UBASH3A: variants seen among roughly 807,000 people sequenced by gnomAD.
The protein encoded by UBASH3A is ubiquitin associated and SH3 domain containing A.
A neutral mutation model predicts 73.5 loss-of-function variants in UBASH3A; 63 were observed. The ratio of observed to expected loss-of-function variants is 0.86; its 90% confidence interval spans 0.70 to 1.06. The LOEUF (loss-of-function observed/expected upper bound fraction) is 1.06. Among genes scored for constraint, UBASH3A ranks in the 50% least tolerant of loss-of-function variants. UBASH3A has a pLI of 0.00. For synonymous variants in UBASH3A, 363 were observed against 351.1 expected, an observed-to-expected ratio of 1.03 and a Z score of -0.38; for missense variants, 860 against 859.0, an observed-to-expected ratio of 1.00 and a Z score of -0.02.
At chr21:42,414,978 A>G (rs35269816) in intron 5 of UBASH3A, among the ~76,000 whole-genome samples, 55,253 of 151,664 alleles carry the variant, frequency 0.36, 10,511 homozygotes, top group African/African-American at 0.46. Context: ...CCCCGACCCT[A>G]AGCAGGCTGT....
intron 3 of UBASH3A, among the ~76,000 whole-genome samples, chr21:42,411,863 A>G (rs1319446882): frequency 6.6e-6 from 1 of 152,252 alleles, no homozygotes; most frequent in Non-Finnish European, 1.5e-5. Context: ...AGGAATGGAC[A>G]TGTGTTCACT....
At chr21:42,419,058 C>T (rs1157518757) in intron 7 of UBASH3A, among the ~76,000 whole-genome samples, 1 of 152,152 alleles carries the variant, frequency 6.6e-6, no homozygotes, top group African/African-American at 2.4e-5. Flanking sequence ...GAGTCAGAGT[C>T]CAGCTTCACT....
chr21:42,442,887 A>G (rs2053772030), intron 12 of UBASH3A, among the ~76,000 whole-genome samples: 1 of 152,210 alleles, frequency 6.6e-6, no homozygotes, highest in Non-Finnish European at 1.5e-5. Context: ...CAAGGTGATC[A>G]GACATCACCT....
rs118065749 is a variant in UBASH3A at position 42,418,171 on chromosome 21, C to T, written c.838-230C>T. Among the ~76,000 whole-genome samples, 126 of 152,238 alleles carry T rather than the reference C, an allele frequency of 8.3e-4. 2 individuals are homozygous for T. The East Asian group carries it at 0.023, about 27-fold the overall frequency. On this transcript the variant is annotated intron_variant, in intron 6 of 14. Coordinates refer to ENST00000319294, the MANE Select transcript of UBASH3A (RefSeq NM_018961.4). Reference sequence around the variant, plus strand: ...TGCTGGGATTACAGGCGTGAGCCACCGCGCCTGGCCCCAAAATGTATTTCT... The same window carrying T: ...TGCTGGGATTACAGGCGTGAGCCACTGCGCCTGGCCCCAAAATGTATTTCT...
At chr21:42,444,449 G>C (rs2053811390) in intron 13 of UBASH3A, 85 bp from the exon 14 acceptor site, 2 of 1,006,164 alleles carry the variant, frequency 2.0e-6, no homozygotes, top group African/African-American at 1.6e-5. Context: ...AGATAGCTCT[G>C]CCCCCCACCA....
At chr21:42,432,970 T>G (rs1003354634) in intron 9 of UBASH3A, among the ~76,000 whole-genome samples, 10 of 152,112 alleles carry the variant, frequency 6.6e-5, no homozygotes, top group African/African-American at 2.4e-4. Context: ...TATAAGAAAC[T>G]TTTTTTCAAT....
At position 42,443,319 on chromosome 21, in the gene UBASH3A, T is replaced by A. The variant is rs760663539; in HGVS notation, c.1639T>A (p.Phe547Ile). The A allele has an allele frequency of 9.9e-6, 16 of 1,612,802 alleles. No homozygotes were observed. The highest frequency in any genetic ancestry group is 1.6e-4 in the Middle Eastern group (1 of 6,076). ...TCCTTCTCATCCTTCCAGGCCCGCG[T>A]TTCCCCTGTCCGCCCTCATGCCGGC... ...FNIDTDYRPAFPLSALMPAES... is the reference protein window; with the variant it reads ...FNIDTDYRPAIPLSALMPAES... The change falls in exon 13 of 15, where the codon TTT becomes ATT. Residue 547 changes from phenylalanine to isoleucine, a missense_variant. Transcript: ENST00000319294.
At chr21:42,408,052 T>G (rs1601554296) in intron 2 of UBASH3A, among the ~76,000 whole-genome samples, 1 of 152,368 alleles carries the variant, frequency 6.6e-6, no homozygotes, top group African/African-American at 2.4e-5. Context: ...AAACAAGTGC[T>G]ATCTATAAGT....
intron 8 of UBASH3A, among the ~76,000 whole-genome samples, chr21:42,430,911 C>A (rs1387494575): frequency 6.6e-6 from 1 of 152,134 alleles, no homozygotes; most frequent in African/African-American, 2.4e-5. Flanking sequence ...ATGGACCCCC[C>A]TGGATAGCCT....
At chr21:42,422,458 T>C (rs976822827) in intron 7 of UBASH3A, among the ~76,000 whole-genome samples, 9 of 152,216 alleles carry the variant, frequency 5.9e-5, no homozygotes, top group African/African-American at 2.2e-4. Flanking sequence ...CATTTTATAG[T>C]TGATGAAACT....
In UBASH3A at chr21:42,413,501, G is replaced by T. The variant is rs746415775; in HGVS notation, c.645G>T (p.Val215=). The change falls in exon 5 of 15, where the codon GTG becomes GTT. Residue 215 remains valine (V), a synonymous_variant. Coordinates refer to ENST00000319294, the MANE Select transcript of UBASH3A (RefSeq NM_018961.4). The surrounding 1 kb of genome is among the most constrained non-coding windows in gnomAD (Gnocchi z 4.5). ...RLSNLTRASF[V]SHYILQKYCS... is the part of the protein sequence containing the mutation. Reference sequence around the variant, plus strand: ...GCAATTTAACTAGAGCCTCCTTCGTGAGCCACTACATCCTTCAAAAATGTA... The same window carrying T: ...GCAATTTAACTAGAGCCTCCTTCGTTAGCCACTACATCCTTCAAAAATGTA... 1 of 1,613,964 alleles carries T rather than the reference G, an allele frequency of 6.2e-7. No individual in the cohort carries two copies. The highest frequency in any genetic ancestry group is 8.5e-7 in the Non-Finnish European group (1 of 1,179,854).
chr21:42,422,713 A>G (rs140098996), intron 7 of UBASH3A, among the ~76,000 whole-genome samples: 1 of 152,380 alleles, frequency 6.6e-6, no homozygotes, highest in Non-Finnish European at 1.5e-5. Context: ...TTGAAAAAAT[A>G]TGCAAGATTT....
At chr21:42,412,569 G>A (rs1296637472) in intron 3 of UBASH3A, among the ~76,000 whole-genome samples, 1 of 152,222 alleles carries the variant, frequency 6.6e-6, no homozygotes, top group Admixed American at 6.5e-5. Context: ...GGAAGAGAGG[G>A]TGGCCCCGCA....
chr21:42,441,269 C>A (rs1465684258), intron 11 of UBASH3A, among the ~76,000 whole-genome samples: 2 of 152,066 alleles, frequency 1.3e-5, no homozygotes, highest in African/African-American at 4.8e-5. Context: ...ATTTCACAGC[C>A]AAGTCCACAA....
chr21:42,431,116 T>A, intron 8 of UBASH3A, among the ~76,000 whole-genome samples: 1 of 152,178 alleles, frequency 6.6e-6, no homozygotes, highest in South Asian at 2.1e-4. Context: ...AGGGGGGGCA[T>A]CCTCAGCTCT....
At chr21:42,446,552 T>G (rs2053847037) in intron 14 of UBASH3A, among the ~76,000 whole-genome samples, 2 of 152,248 alleles carry the variant, frequency 1.3e-5, no homozygotes, top group Admixed American at 1.3e-4. Flanking sequence ...AAAAAAGGCT[T>G]CACCACAAAG....
chr21:42,418,505 C>A lies in UBASH3A; in HGVS notation c.942C>A (p.Ser314Arg), dbSNP rs147873921. The A allele has an allele frequency of 8.7e-6, 14 of 1,614,098 alleles. No individual in the cohort carries two copies. The highest frequency in any genetic ancestry group is 2.2e-5 in the East Asian group (1 of 44,896). Residue 314 changes from serine (S) to arginine (R), a missense_variant, in exon 7 of 15, where the codon AGC (serine) becomes AGA (arginine). Physicochemically the swap from Ser to Arg is moderately radical, Grantham distance 110. Transcript: ENST00000319294. ...ACCCCACGCAGCAGGACGAAGCCAGCGAGGGCTGGGTGATTGGGATCTCAC... is the reference window on the plus strand; with the variant it reads ...ACCCCACGCAGCAGGACGAAGCCAGAGAGGGCTGGGTGATTGGGATCTCAC... ...FVDPTQQDEA[S>R]EGWVIGISQR...
At chr21:42,430,788 T>A (rs373471751) in intron 8 of UBASH3A, among the ~76,000 whole-genome samples, 1 of 152,202 alleles carries the variant, frequency 6.6e-6, no homozygotes, top group East Asian at 1.9e-4. Context: ...GCATGTGACA[T>A]GCTCCCCCCT....
At chr21:42,435,578 T>C (rs2053611573) in intron 10 of UBASH3A, 1 of 152,388 alleles carries the variant, frequency 6.6e-6, no homozygotes, top group Admixed American at 6.5e-5. Flanking sequence ...AGTTATAGAG[T>C]TAGTTATAGA....
Sources: gnomAD v4.1 joint callset for allele counts (sites outside exome capture counted in the v4.1 genomes callset) on GRCh38, gnomAD v4.1.1 for gene constraint, Gnocchi (gnomAD v3.1) non-coding constraint, MANE v1.5 for transcripts, NCBI Gene and HGNC (gene_info 2026-07-23, HGNC 2026-07-21) for gene names.